Variants in SLC9A9 observed in about 807,000 individuals in gnomAD.
The protein encoded by SLC9A9 is solute carrier family 9 member A9.
A neutral mutation model predicts 77.8 loss-of-function variants in SLC9A9; 62 were observed. That is an observed-to-expected ratio of 0.80 (90% CI 0.65 to 0.98). The LOEUF (loss-of-function observed/expected upper bound fraction) is 0.98. Ranked by LOEUF, SLC9A9 falls within the 50% of genes least tolerant of loss-of-function variation. The pLI is 0.00. For missense variants in SLC9A9, 775 were observed against 774.9 expected (o/e 1.00, Z 0.00); for synonymous variants, 320 against 283.5 (o/e 1.13, Z -1.29).
At chr3:143,520,595 C>T (rs991817164) in intron 9 of SLC9A9, among the ~76,000 whole-genome samples, 2 of 152,196 alleles carry the variant, frequency 1.3e-5, no homozygotes, top group African/African-American at 4.8e-5. Flanking sequence ...ACACATAACT[C>T]ATTTAATTAT....
intron 12 of SLC9A9, among the ~76,000 whole-genome samples, chr3:143,459,586 AT>A (rs1403020037): frequency 6.6e-6 from 1 of 152,020 alleles, no homozygotes; most frequent in Admixed American, 6.6e-5. Context: ...CTTATAGTTC[AT>A]TTCTTATTGT....
At chr3:143,521,727 A>G (rs1293988124) in intron 9 of SLC9A9, among the ~76,000 whole-genome samples, 1 of 151,948 alleles carries the variant, frequency 6.6e-6, no homozygotes, top group Admixed American at 6.6e-5. Flanking sequence ...TACTCTTAAT[A>G]CCCCTTATAA....
intron 4 of SLC9A9, among the ~76,000 whole-genome samples, chr3:143,705,728 C>G (rs1016404149): frequency 1.7e-4 from 26 of 152,318 alleles, no homozygotes; most frequent in African/African-American, 6.3e-4. Context: ...GGCACGCATG[C>G]ACACTTCCAC....
In SLC9A9 at chr3:143,832,217, A is replaced by G; in HGVS notation, c.180T>C (p.Leu60=). 1 of 1,609,280 alleles carries G rather than the reference A, an allele frequency of 6.2e-7. No homozygotes were observed. The highest frequency in any genetic ancestry group is 8.5e-7 in the Non-Finnish European group (1 of 1,177,746). Residue 60 remains leucine, a synonymous_variant, in exon 2 of 16, where the codon CTT becomes CTC. Coordinates refer to ENST00000316549, the MANE Select transcript of SLC9A9 (RefSeq NM_173653.4). ...CATATCGTAAAATTAGTCCCATTAT[A>G]AGGCCTAAAAAAAAAAGAATAAATA... ...HETGGAMVYG[L]IMGLILRYAT...
chr3:143,447,236 C>G (rs6440175), intron 12 of SLC9A9, among the ~76,000 whole-genome samples: 6,452 of 152,230 alleles, frequency 0.042, 468 homozygotes, highest in African/African-American at 0.15. Flanking sequence ...TCCATTTCAC[C>G]TTGGTGCCCT....
intron 6 of SLC9A9, among the ~76,000 whole-genome samples, chr3:143,651,113 T>G (rs2038788074): frequency 6.6e-6 from 1 of 152,242 alleles, no homozygotes; most frequent in Non-Finnish European, 1.5e-5. Context: ...GTTCTTTTAA[T>G]GCTAGTATTT....
intron 12 of SLC9A9, among the ~76,000 whole-genome samples, chr3:143,382,646 C>T (rs1393189898): frequency 1.3e-5 from 2 of 152,078 alleles, no homozygotes; most frequent in Admixed American, 6.5e-5. Context: ...AAAATATAAA[C>T]ACAAAATTGG....
chr3:143,491,415 C>G (rs181504338), intron 11 of SLC9A9, among the ~76,000 whole-genome samples: 6 of 152,184 alleles, frequency 3.9e-5, no homozygotes, highest in African/African-American at 1.4e-4. Flanking sequence ...AGTGCAAAAA[C>G]AGCCGTAGAC....
At chr3:143,717,181 G>T (rs1934378887) in intron 4 of SLC9A9, among the ~76,000 whole-genome samples, 1 of 152,166 alleles carries the variant, frequency 6.6e-6, no homozygotes, top group Non-Finnish European at 1.5e-5. Flanking sequence ...CAATCATTTA[G>T]GTATCTGGTT....
At chr3:143,566,128 C>G (rs2037163289) in intron 8 of SLC9A9, among the ~76,000 whole-genome samples, 2 of 152,126 alleles carry the variant, frequency 1.3e-5, no homozygotes, top group Admixed American at 6.6e-5. Context: ...CAGTAATAGT[C>G]ATTTCATTTG....
At chr3:143,600,341 A>T (rs991194016) in intron 6 of SLC9A9, among the ~76,000 whole-genome samples, 1 of 152,192 alleles carries the variant, frequency 6.6e-6, no homozygotes, top group Non-Finnish European at 1.5e-5. Flanking sequence ...ACGATAGATT[A>T]GATAAAGAAA....
At chr3:143,847,806 G>C in intron 1 of SLC9A9, 2 of 327,552 alleles carry the variant, frequency 6.1e-6, no homozygotes, top group South Asian at 7.0e-5. Context: ...GTGAGAGAAG[G>C]CTGCTCTTTG....
intron 4 of SLC9A9, among the ~76,000 whole-genome samples, chr3:143,704,036 T>C (rs1455574399): frequency 6.6e-6 from 1 of 152,158 alleles, no homozygotes; most frequent in African/African-American, 2.4e-5. Flanking sequence ...AGATTTGGAT[T>C]GGTCCTAAAC....
At chr3:143,361,360 T>A (rs2108482525) in intron 14 of SLC9A9, among the ~76,000 whole-genome samples, 1 of 152,342 alleles carries the variant, frequency 6.6e-6, no homozygotes, top group African/African-American at 2.4e-5. Flanking sequence ...GCCAGCAACC[T>A]GATCTCAGGA....
At chr3:143,380,125 C>G (rs1295716654) in intron 13 of SLC9A9, among the ~76,000 whole-genome samples, 2 of 152,166 alleles carry the variant, frequency 1.3e-5, no homozygotes, top group East Asian at 1.9e-4. Context: ...TTGCCCAAGA[C>G]CCAAATATCA....
intron 9 of SLC9A9, among the ~76,000 whole-genome samples, chr3:143,526,686 C>A (rs2036411929): frequency 1.3e-5 from 2 of 152,150 alleles, no homozygotes; most frequent in South Asian, 2.1e-4. Context: ...AGAGGAAAAA[C>A]CTCCTATTCT....
intron 14 of SLC9A9, among the ~76,000 whole-genome samples, chr3:143,346,439 T>G (rs2032275157): frequency 6.6e-6 from 1 of 152,190 alleles, no homozygotes; most frequent in Admixed American, 6.5e-5. Context: ...AAAGTCTTGT[T>G]TCTTTTTCTG....
intron 12 of SLC9A9, among the ~76,000 whole-genome samples, chr3:143,425,248 GA>G (rs1218775720): frequency 3.3e-5 from 5 of 149,270 alleles, no homozygotes; most frequent in Non-Finnish European, 7.4e-5. Flanking sequence ...TTGATGTGGG[GA>G]CCAATGAGGC....
At chr3:143,374,483 T>G (rs979560095) in intron 13 of SLC9A9, among the ~76,000 whole-genome samples, 1 of 148,476 alleles carries the variant, frequency 6.7e-6, no homozygotes, top group African/African-American at 2.5e-5. Context: ...CAGAATGTGA[T>G]TTTCAAAGCA....
Sources: allele counts gnomAD v4.1 joint callset (sites outside exome capture counted in the v4.1 genomes callset), GRCh38; gene constraint gnomAD v4.1.1; transcripts MANE v1.5; gene names NCBI Gene and HGNC (gene_info 2026-07-23, HGNC 2026-07-21).